Variants in USP34 observed in about 807,000 individuals in gnomAD.
USP34 encodes ubiquitin specific peptidase 34, also known as ubiquitin carboxyl-terminal hydrolase 34.
USP34 carries 70 observed loss-of-function variants against 460.3 expected under a neutral mutation model. That is an observed-to-expected ratio of 0.15 (90% confidence interval 0.13 to 0.19). The LOEUF is 0.19. USP34 is among the 10% of genes least tolerant of loss of function. USP34 has a pLI of 1.00. For missense variants in USP34, 3,985 were observed against 4,236.2 expected, an observed-to-expected ratio of 0.94 and a Z score of 1.65; for synonymous variants, 1,647 against 1,405.3, an observed-to-expected ratio of 1.17 and a Z score of -3.85.
intron 20 of USP34, among the ~76,000 whole-genome samples, chr2:61,330,411 C>T (rs190572732): frequency 1.6e-4 from 25 of 152,224 alleles, no homozygotes; most frequent in Admixed American, 1.4e-3. Flanking sequence ...CTAAAGGACA[C>T]AGTAAAAATA....
chr2:61,320,988 C>A (rs550588236), intron 21 of USP34, among the ~76,000 whole-genome samples: 2 of 151,246 alleles, frequency 1.3e-5, no homozygotes, highest in African/African-American at 4.9e-5. Flanking sequence ...CCATCCTGTG[C>A]GACAAGAGCA....
chr2:61,432,994 C>G (rs1274999007), intron 1 of USP34, among the ~76,000 whole-genome samples: 8 of 152,070 alleles, frequency 5.3e-5, no homozygotes, highest in Admixed American at 2.6e-4. Context: ...CTGAAGAATT[C>G]CAGCAAAGTT....
intron 6 of USP34, 87 bp downstream of exon 6, chr2:61,383,182 G>T: frequency 1.1e-6 from 1 of 921,050 alleles, no homozygotes; most frequent in Non-Finnish European, 1.6e-6. Context: ...TGACTATAGG[G>T]GACTTTCAAA....
At position 61,295,293 on chromosome 2, in the gene USP34, TA is replaced by T. The variant is rs1436745323; in HGVS notation, c.4255-4del. On this transcript the variant is annotated splice_region_variant and splice_polypyrimidine_tract_variant and intron_variant, in intron 30 of 79. Transcript: ENST00000398571. ...TTCCAATTAAATCCATCATTACTCT[TA>T]AATTAGAAAAACATGTTTCTCAAGC... 6.3e-7 allele frequency: 1 copy of T among 1,581,820 alleles called. No homozygotes were observed. Among genetic ancestry groups the T allele is most frequent in the East Asian group, 2.3e-5 (1 of 44,378 alleles).
chr2:61,239,940 G>A (rs1688197688), intron 53 of USP34, among the ~76,000 whole-genome samples: 1 of 149,428 alleles, frequency 6.7e-6, no homozygotes, highest in Non-Finnish European at 1.5e-5. Context: ...GAACCCAGAA[G>A]GTGGAGCTTG....
intron 11 of USP34, 41 bp from the exon 12 acceptor site, chr2:61,350,430 G>T: frequency 6.3e-7 from 1 of 1,585,740 alleles, no homozygotes; most frequent in Non-Finnish European, 8.6e-7. Context: ...AGAATTCCAG[G>T]CAACACTAAC....
At chr2:61,353,213 T>A (rs1432621123) in intron 10 of USP34, among the ~76,000 whole-genome samples, 1 of 152,192 alleles carries the variant, frequency 6.6e-6, no homozygotes, top group Non-Finnish European at 1.5e-5. Flanking sequence ...GATTGCTAAT[T>A]CTGACTGGTG....
chr2:61,436,446 T>C (rs934044202), intron 1 of USP34, among the ~76,000 whole-genome samples: 3 of 152,014 alleles, frequency 2.0e-5, no homozygotes, highest in South Asian at 2.1e-4. Context: ...AAGCCAAAAG[T>C]TGTAAAAGGA....
intron 2 of USP34, among the ~76,000 whole-genome samples, chr2:61,408,338 T>C (rs569827510): frequency 1.3e-5 from 2 of 152,284 alleles, no homozygotes; most frequent in South Asian, 4.1e-4. Context: ...AATAAATGTT[T>C]ACTGCTGTTT....
chr2:61,234,862 C>T (rs1688018392), intron 57 of USP34, among the ~76,000 whole-genome samples: 1 of 152,108 alleles, frequency 6.6e-6, no homozygotes, highest in Admixed American at 6.5e-5. Flanking sequence ...TCTTGAACTC[C>T]TGACCGCAAG....
intron 10 of USP34, among the ~76,000 whole-genome samples, chr2:61,361,545 G>A (rs75831749): frequency 0.027 from 4,089 of 152,192 alleles, 192 homozygotes; most frequent in African/African-American, 0.094. Flanking sequence ...AGGATGCCAA[G>A]AACATATGAT....
At chr2:61,359,733 G>A (rs1318531234) in intron 10 of USP34, among the ~76,000 whole-genome samples, 1 of 149,216 alleles carries the variant, frequency 6.7e-6, no homozygotes, top group Non-Finnish European at 1.5e-5. Context: ...AGGCATAGAA[G>A]GAACTTACCT....
intron 10 of USP34, among the ~76,000 whole-genome samples, chr2:61,366,251 G>A (rs1425480374): frequency 6.6e-6 from 1 of 152,142 alleles, no homozygotes; most frequent in Non-Finnish European, 1.5e-5. Context: ...AATGTAATAG[G>A]TAAAGAAAGT....
At chr2:61,423,760 A>G (rs13426084) in intron 1 of USP34, among the ~76,000 whole-genome samples, 40 of 152,322 alleles carry the variant, frequency 2.6e-4, no homozygotes, top group African/African-American at 9.4e-4. Context: ...CCTGGGCAAC[A>G]CAGCAAGGTA....
chr2:61,411,004 A>T (rs1182340169), intron 2 of USP34, among the ~76,000 whole-genome samples: 1 of 152,172 alleles, frequency 6.6e-6, no homozygotes. Context: ...AAAAAACAAA[A>T]TATTATTCCT....
intron 43 of USP34, among the ~76,000 whole-genome samples, chr2:61,260,272 A>G (rs182702220): frequency 6.6e-6 from 1 of 152,366 alleles, no homozygotes; most frequent in East Asian, 1.9e-4. Context: ...TCAACTATCA[A>G]TAAGTCAAAT....
chr2:61,458,029 GA>G (rs1695488049), intron 1 of USP34, among the ~76,000 whole-genome samples: 1 of 152,028 alleles, frequency 6.6e-6, no homozygotes, highest in Admixed American at 6.6e-5. Context: ...CGATTTTTCA[GA>G]TATTTTAAAT....
chr2:61,296,324 C>A (rs1356219123), intron 30 of USP34, among the ~76,000 whole-genome samples: 1 of 151,570 alleles, frequency 6.6e-6, no homozygotes, highest in East Asian at 1.9e-4. Context: ...ACAAAGATAC[C>A]CAACACACAT....
intron 41 of USP34, among the ~76,000 whole-genome samples, chr2:61,267,031 C>A (rs1218094910): frequency 6.6e-6 from 1 of 152,200 alleles, no homozygotes; most frequent in Non-Finnish European, 1.5e-5. Context: ...AAACCAAGGA[C>A]TCCTAGGCTC....
Sources: allele counts gnomAD v4.1 joint callset (sites outside exome capture counted in the v4.1 genomes callset), GRCh38; gene constraint gnomAD v4.1.1; transcripts MANE v1.5; gene names NCBI Gene and HGNC (gene_info 2026-07-23, HGNC 2026-07-21).